The following ZC4H2 variants were observed in gnomAD, a reference collection of about 807,000 sequenced individuals.
The protein encoded by ZC4H2 is zinc finger C4H2 domain-containing protein.
For synonymous variants in ZC4H2, 84 were observed against 66.3 expected (o/e 1.27, Z -1.30); for missense variants, 137 against 173.9 (o/e 0.79, Z 1.19).
At chrX:64,936,170 T>G (rs1930001561) in intron 1 of ZC4H2, among the ~76,000 whole-genome samples, 1 of 108,630 alleles carries the variant, frequency 9.2e-6, no homozygotes, top group African/African-American at 3.4e-5. Flanking sequence ...AGAAAGTATA[T>G]CAGAGATTGA....
At chrX:65,031,927 A>G (rs1266136989) in intron 1 of ZC4H2, among the ~76,000 whole-genome samples, 1 of 112,461 alleles carries the variant, frequency 8.9e-6, no homozygotes, top group Non-Finnish European at 1.9e-5. Context: ...GCAATATATA[A>G]GTTGTATAGA....
At chrX:64,979,992 G>T (rs2147425210), upstream of ZC4H2, among the ~76,000 whole-genome samples, 1 of 111,735 alleles carries the variant, frequency 8.9e-6, no homozygotes, top group South Asian at 3.7e-4. Context: ...CCAGAATATT[G>T]AATTCACAGA....
At chrX:65,027,697 G>A (rs746293784) in intron 1 of ZC4H2, among the ~76,000 whole-genome samples, 1 of 111,702 alleles carries the variant, frequency 9.0e-6, no homozygotes, top group Admixed American at 9.5e-5. Flanking sequence ...CTTGGGATTA[G>A]ATCATACTTT....
chrX:64,984,384 A>G (rs1161045758), intron 1 of ZC4H2, among the ~76,000 whole-genome samples: 1 of 111,933 alleles, frequency 8.9e-6, no homozygotes, highest in Non-Finnish European at 1.9e-5. Context: ...CTCCGTAAAA[A>G]TTTAGAGGCT....
intron 1 of ZC4H2, among the ~76,000 whole-genome samples, chrX:65,001,014 A>G (rs902715682): frequency 8.9e-6 from 1 of 111,863 alleles, no homozygotes; most frequent in African/African-American, 3.3e-5. Flanking sequence ...AACACTCTTC[A>G]AGATATTATC....
intron 1 of ZC4H2, among the ~76,000 whole-genome samples, chrX:64,946,527 G>A (rs1256861630): frequency 1.8e-5 from 2 of 109,231 alleles, no homozygotes; most frequent in Non-Finnish European, 3.8e-5. Context: ...CTGCAGATCA[G>A]AGCTGTTCCT....
intron 1 of ZC4H2, among the ~76,000 whole-genome samples, chrX:64,929,676 G>A (rs1255691375): frequency 3.6e-5 from 4 of 111,279 alleles, no homozygotes; most frequent in Admixed American, 9.6e-5. Context: ...ACAGAAGGCC[G>A]TAAGTATTTG....
At chrX:65,027,278 G>A (rs983625353) in intron 1 of ZC4H2, among the ~76,000 whole-genome samples, 2 of 111,707 alleles carry the variant, frequency 1.8e-5, no homozygotes, top group African/African-American at 6.5e-5. Flanking sequence ...TAAGGAATGG[G>A]GAATAGATCT....
chrX:65,022,761 G>A (rs1200630085), intron 1 of ZC4H2, among the ~76,000 whole-genome samples: 1 of 111,821 alleles, frequency 8.9e-6, no homozygotes, highest in Non-Finnish European at 1.9e-5. Flanking sequence ...ACGTCTTCAA[G>A]GAGAACTACA....
intron 1 of ZC4H2, among the ~76,000 whole-genome samples, chrX:65,025,145 C>CTTTTTT (rs1177199868): frequency 5.4e-5 from 4 of 73,702 alleles, no homozygotes; most frequent in Non-Finnish European, 1.0e-4. Context: ...TTGTTTTTTG[C>CTTTTTT]TTTTTTTTTT....
At chrX:65,014,824 G>A (rs941429114) in intron 1 of ZC4H2, among the ~76,000 whole-genome samples, 1 of 112,030 alleles carries the variant, frequency 8.9e-6, no homozygotes, top group Non-Finnish European at 1.9e-5. Context: ...ATATTCAGTA[G>A]CATGAAATTG....
chrX:64,923,177 G>A (rs1046105435), intron 1 of ZC4H2, among the ~76,000 whole-genome samples: 9 of 111,861 alleles, frequency 8.0e-5, no homozygotes, highest in Admixed American at 1.9e-4. Context: ...TAAGATACTC[G>A]CTGAAAAAGT....
At chrX:64,965,994 G>T (rs1176284302) in intron 1 of ZC4H2, among the ~76,000 whole-genome samples, 1 of 102,313 alleles carries the variant, frequency 9.8e-6, no homozygotes, top group East Asian at 3.1e-4. Flanking sequence ...AAAAGACACT[G>T]TTAAGACAAT....
At chrX:64,953,156 A>T (rs1327321506) in intron 1 of ZC4H2, among the ~76,000 whole-genome samples, 2 of 112,325 alleles carry the variant, frequency 1.8e-5, no homozygotes, top group Non-Finnish European at 1.9e-5. Context: ...CTTACACCTT[A>T]TACAAAAATT....
chrX:64,949,245 C>A (rs1930678339), intron 1 of ZC4H2, among the ~76,000 whole-genome samples: 1 of 111,780 alleles, frequency 8.9e-6, no homozygotes, highest in African/African-American at 3.2e-5. Context: ...AAAGATTTTT[C>A]TTTGCCTTTT....
Position 65,006,742 on chromosome X carries a change from A to G in ZC4H2, c.-272+27887T>C, listed in dbSNP as rs180772238. Among the ~76,000 whole-genome samples the G allele has an allele frequency of 1.6e-4, 18 of 112,272 alleles. No homozygotes were observed. The East Asian group carries it at 5.0e-3, about 31-fold the overall frequency. On this transcript the variant is annotated intron_variant, in intron 1 of 4. Coordinates refer to the ZC4H2 transcript ENST00000337990. ...AAAAGAATTTTTCAACTTCATTATAATCTTATGGGGCGACCTTTGCATGTG... is the reference window on the plus strand; with the variant it reads ...AAAAGAATTTTTCAACTTCATTATAGTCTTATGGGGCGACCTTTGCATGTG...
chrX:64,921,923 G>A lies in ZC4H2; in HGVS notation c.119C>T (p.Ser40Leu), dbSNP rs1490919537. 2.5e-6 allele frequency: 3 copies of A among 1,208,291 alleles called. No homozygotes were observed. The African/African-American group carries it at 5.3e-5, about 21-fold the overall frequency. ...GTATTCCTTCAGGTGCCTTTCCTCT[G>A]ACTCAAGTGCCTCAAACTCAGCCTT... ...RLKAEFEALE[S>L]EERHLKEYKQ... The change falls in exon 2 of 5, where the codon TCA becomes TTA. Residue 40 changes from serine to leucine, a missense_variant. By Grantham distance (145) the Ser-to-Leu change is moderately radical. Transcript: ENST00000374839.
At chrX:64,934,350 G>C (rs1167003575) in intron 1 of ZC4H2, among the ~76,000 whole-genome samples, 1 of 112,482 alleles carries the variant, frequency 8.9e-6, no homozygotes, top group Non-Finnish European at 1.9e-5. Flanking sequence ...CCTAAATAGT[G>C]ACATAGGGTT....
chrX:64,977,537 G>A (rs1166360088), upstream of ZC4H2, among the ~76,000 whole-genome samples: 1 of 111,695 alleles, frequency 9.0e-6, no homozygotes, highest in South Asian at 3.7e-4. Flanking sequence ...TCACTCTGTC[G>A]CCCAAGCTGG....
Sources: allele counts gnomAD v4.1 joint callset (sites outside exome capture counted in the v4.1 genomes callset), GRCh38; gene constraint gnomAD v4.1.1; transcripts MANE v1.5; gene names NCBI Gene and HGNC (gene_info 2026-07-23, HGNC 2026-07-21).